Variants in BRAT1 observed in about 807,000 individuals in gnomAD.
BRAT1 encodes the protein BRCA1 associated ATM activator 1, also known as integrator complex assembly factor BRAT1.
BRAT1 carries 74 observed loss-of-function variants against 70.6 expected under a neutral mutation model. That is an observed-to-expected ratio of 1.05 (90% CI 0.87 to 1.27). BRAT1 has a LOEUF of 1.27. Among genes scored for constraint, BRAT1 ranks in the 50% most tolerant of loss-of-function variants. The probability of loss-of-function intolerance (pLI) is 0.00; values close to 1 mark genes in which losing one functional copy is unlikely to be tolerated. For missense variants in BRAT1, 1,203 were observed against 1,098.2 expected (o/e 1.10, Z -1.35); for synonymous variants, 615 against 517.1 (o/e 1.19, Z -2.57).
In BRAT1 at chr7:2,543,838, G is replaced by C; in HGVS notation, c.555C>G (p.Cys185Trp). The change falls in exon 5 of 14, where the codon TGC becomes TGG. Residue 185 changes from cysteine to tryptophan, a missense_variant. Cys to Trp is a radical substitution (Grantham distance 215, BLOSUM62 -2). Transcript: ENST00000340611. This position sits in a 1 kb window ranked among gnomAD's most constrained non-coding sequence, Gnocchi z 5.5. ...SMRGGAEGQPCLPGGDWPACA... is the reference protein window; with the variant it reads ...SMRGGAEGQPWLPGGDWPACA... Reference sequence around the variant, plus strand: ...ACGCGGGCCAGTCACCCCCCGGCAGGCAGGGCTGCCCCTCGGCTCCACCTC... The same window carrying C: ...ACGCGGGCCAGTCACCCCCCGGCAGCCAGGGCTGCCCCTCGGCTCCACCTC... 1 of 1,612,926 alleles carries C rather than the reference G, an allele frequency of 6.2e-7. No homozygotes were observed. The highest frequency in any genetic ancestry group is 8.5e-7 in the Non-Finnish European group (1 of 1,179,930).
intron 13 of BRAT1, 99 bp downstream of exon 13, chr7:2,539,080 C>T: frequency 6.7e-7 from 1 of 1,490,006 alleles, no homozygotes; most frequent in African/African-American, 1.4e-5. Flanking sequence ...GCAGCAGCTG[C>T]TCCCACGCTG....
intron 3 of BRAT1, among the ~76,000 whole-genome samples, chr7:2,545,988 G>A (rs968824373): frequency 3.9e-5 from 6 of 152,248 alleles, no homozygotes; most frequent in African/African-American, 1.4e-4. Context: ...GCACAACCTG[G>A]CGAGGGCCTG....
intron 12 of BRAT1, 53 bp from the exon 13 acceptor site, chr7:2,539,404 C>A: frequency 6.4e-7 from 1 of 1,557,198 alleles, no homozygotes; most frequent in Non-Finnish European, 8.7e-7. Context: ...AGCCTTGTCG[C>A]CTCGGCCTCT....
intron 3 of BRAT1, 145 bp from the exon 4 acceptor site, chr7:2,545,201 T>A: frequency 2.1e-6 from 2 of 934,968 alleles, no homozygotes; most frequent in Non-Finnish European, 3.0e-6. Flanking sequence ...CCATCTCTAC[T>A]AGAAATACAA....
At position 2,543,380 on chromosome 7, in the gene BRAT1, G is replaced by A; in HGVS notation, c.804-57C>T. ...CCCCCACCCTCAAAACCCCATTCGA[G>A]GCCTGGCTGAGACTGCCATGGCTCC... On this transcript the variant is annotated intron_variant, in intron 5 of 13. Coordinates refer to ENST00000340611, the MANE Select transcript of BRAT1 (RefSeq NM_152743.4). This position sits in a 1 kb window ranked among gnomAD's most constrained non-coding sequence, Gnocchi z 5.5. The A allele has an allele frequency of 1.3e-6, 2 of 1,520,856 alleles. No individual in the cohort carries two copies. Among genetic ancestry groups the A allele is most frequent in the Non-Finnish European group, 1.8e-6 (2 of 1,133,876 alleles). 94.2% of individuals were successfully genotyped at this position (1,520,856 alleles called of 1,614,324 possible).
Position 2,542,111 on chromosome 7 carries a change from G to C in BRAT1, c.1015+9C>G, listed in dbSNP as rs1478205274. 7 of 1,525,992 alleles carry C rather than the reference G, an allele frequency of 4.6e-6. No homozygotes were observed. Among genetic ancestry groups the C allele is most frequent in the Admixed American group, 4.3e-5 (2 of 46,262 alleles). 94.5% of individuals were successfully genotyped at this position (1,525,992 alleles called of 1,614,324 possible). A position where few individuals can be genotyped will look rare whatever the true frequency, so the allele number is the denominator to read the frequency against. ...GTTCTGCCCTCCCAGCCCTTTCTAA[G>C]CAGCACACCTGGGGGTCCGGGGGCC... is the stretch of plus-strand genomic sequence containing the variant. On this transcript the variant is annotated intron_variant, in intron 7 of 13. Coordinates refer to ENST00000340611, the MANE Select transcript of BRAT1 (RefSeq NM_152743.4).
At position 2,543,677 on chromosome 7, in the gene BRAT1, C is replaced by T. The variant is rs200536814; in HGVS notation, c.716G>A (p.Arg239Gln). ...QSPWTEALWV[R>Q]LSPRVACLLE... Reference sequence around the variant, plus strand: ...CAGACAGGCCACGCGGGGACTCAGCCGCACCCACAGGGCTTCCGTCCAGGG... The same window carrying T: ...CAGACAGGCCACGCGGGGACTCAGCTGCACCCACAGGGCTTCCGTCCAGGG... Residue 239 changes from arginine (R) to glutamine (Q), a missense_variant, in exon 5 of 14, where the codon CGG (arginine) becomes CAG (glutamine). Arg to Gln is a conservative substitution (Grantham distance 43, BLOSUM62 1). Transcript: ENST00000340611. The surrounding 1 kb of genome is among the most constrained non-coding windows in gnomAD (Gnocchi z 5.5). 4.7e-5 allele frequency: 73 copies of T among 1,564,072 alleles called. No homozygotes were observed. The highest frequency in any genetic ancestry group is 1.7e-4 in the Middle Eastern group (1 of 5,848).
intron 2 of BRAT1, among the ~76,000 whole-genome samples, chr7:2,551,184 T>G (rs1341640359): frequency 6.6e-6 from 1 of 150,824 alleles, no homozygotes; most frequent in Non-Finnish European, 1.5e-5. Flanking sequence ...GAGGTTGCAG[T>G]GAGCCAAGAT....
intron 2 of BRAT1, among the ~76,000 whole-genome samples, chr7:2,549,990 G>A (rs551938081): frequency 6.6e-6 from 1 of 151,654 alleles, no homozygotes; most frequent in Non-Finnish European, 1.5e-5. Context: ...GTGAAACCCC[G>A]TCTCCGCAAA....
In BRAT1 at chr7:2,545,036, C is replaced by T. The variant is rs769412372; in HGVS notation, c.303G>A (p.Gly101=). Residue 101 remains glycine (G), a synonymous_variant, in exon 4 of 14, where the codon GGG becomes GGA. Transcript: ENST00000340611. ...QYLQQGELLP[G]LFGEPGPLGR... ...CGAGGGGTCCTGGCTCCCCAAAGAG[C>T]CCTGGTAGTAACTCCCCCTGCTGGG... is the stretch of plus-strand genomic sequence containing the variant. 3 of 1,510,452 alleles carry T rather than the reference C, an allele frequency of 2.0e-6. No individual in the cohort carries two copies. Among genetic ancestry groups the T allele is most frequent in the African/African-American group, 2.8e-5 (2 of 71,302 alleles). 93.6% of individuals were successfully genotyped at this position (1,510,452 alleles called of 1,614,324 possible).
intron 6 of BRAT1, 60 bp from the exon 7 acceptor site, chr7:2,542,271 C>A (rs979106833): frequency 7.2e-7 from 1 of 1,393,766 alleles, no homozygotes; most frequent in South Asian, 1.2e-5. Context: ...TGGCTGTGCT[C>A]CTAATGTCCC....
chr7:2,544,107 C>T (rs1366380884), intron 4 of BRAT1, 145 bp from the exon 5 acceptor site: 3 of 621,456 alleles, frequency 4.8e-6, no homozygotes, highest in South Asian at 6.1e-5. Flanking sequence ...CAAAAAAGAA[C>T]AGGAACTGAA....
Position 2,543,172 on chromosome 7 carries a change from C to G in BRAT1, c.923+32G>C. ...CCTGCCTGCCCCAGCTCCCAGCACC[C>G]GCCTCGGAATGAAATGCACCCCAGA... On this transcript the variant is annotated intron_variant, in intron 6 of 13. Transcript: ENST00000340611. The surrounding 1 kb of genome is among the most constrained non-coding windows in gnomAD (Gnocchi z 5.5). The G allele has an allele frequency of 6.5e-7, 1 of 1,529,062 alleles. No individual in the cohort carries two copies. Among genetic ancestry groups the G allele is most frequent in the Non-Finnish European group, 8.8e-7 (1 of 1,137,060 alleles). 94.7% of individuals were successfully genotyped at this position (1,529,062 alleles called of 1,614,324 possible).
chr7:2,546,705 A>C (rs2128402230), intron 3 of BRAT1, among the ~76,000 whole-genome samples: 1 of 152,334 alleles, frequency 6.6e-6, no homozygotes. Flanking sequence ...ATTGCACTCC[A>C]GCCTGGGTGA....
intron 2 of BRAT1, among the ~76,000 whole-genome samples, chr7:2,552,880 G>T (rs1780142416): frequency 6.6e-6 from 1 of 150,996 alleles, no homozygotes; most frequent in South Asian, 2.1e-4. Flanking sequence ...TGGGACTACA[G>T]GCGCCCACCA....
At position 2,538,299 on chromosome 7, in the gene BRAT1, C is replaced by G. The variant is rs1319707460; in HGVS notation, c.2236G>C (p.Ala746Pro). 12 of 1,612,596 alleles carry G rather than the reference C, an allele frequency of 7.4e-6. No individual in the cohort carries two copies. Among genetic ancestry groups the G allele is most frequent in the African/African-American group, 1.3e-5 (1 of 74,928 alleles). Reference sequence around the variant, plus strand: ...CTCGGCAGGGTGGCCTCTGCGGAGGCAGTGTTGGGGCTGCCCCTGGCCTCC... The same window carrying G: ...CTCGGCAGGGTGGCCTCTGCGGAGGGAGTGTTGGGGCTGCCCCTGGCCTCC... ...LREARGSPNT[A>P]SAEATLPRWR... Residue 746 changes from alanine (A) to proline (P), a missense_variant, in exon 14 of 14, where the codon GCC becomes CCC. By Grantham distance (27) the Ala-to-Pro change is conservative. Transcript: ENST00000340611.
At position 2,541,501 on chromosome 7, in the gene BRAT1, C is replaced by T. The variant is rs944024087; in HGVS notation, c.1135-17G>A. Reference sequence around the variant, plus strand: ...GCGCTGGGGCTGCGAGGAAGAGGGCCGTCAGCCAAGGTTGCGGTCCCACTG... The same window carrying T: ...GCGCTGGGGCTGCGAGGAAGAGGGCTGTCAGCCAAGGTTGCGGTCCCACTG... On this transcript the variant is annotated splice_polypyrimidine_tract_variant and intron_variant, in intron 8 of 13. Transcript: ENST00000340611. 14 of 1,521,052 alleles carry T rather than the reference C, an allele frequency of 9.2e-6. 1 individual carries two copies. Among genetic ancestry groups the T allele is most frequent in the South Asian group, 3.7e-5 (3 of 81,690 alleles). The allele number at this position is 1,521,052 out of a possible 1,614,324, so 94.2% of individuals were successfully genotyped here. A position where few individuals can be genotyped will look rare whatever the true frequency, so the allele number is the denominator to read the frequency against.
chr7:2,540,900 C>A, intron 10 of BRAT1, 79 bp downstream of exon 10: 1 of 1,352,654 alleles, frequency 7.4e-7, no homozygotes, highest in Non-Finnish European at 9.7e-7. Flanking sequence ...GAGGCCTGCA[C>A]GGGACGGGGT....
At chr7:2,552,637 T>A (rs949904856) in intron 2 of BRAT1, among the ~76,000 whole-genome samples, 1 of 151,612 alleles carries the variant, frequency 6.6e-6, no homozygotes, top group East Asian at 1.9e-4. Flanking sequence ...AAGTAAAGAA[T>A]AGCAGAAATT....
Sources: gnomAD v4.1 joint callset for allele counts (sites outside exome capture counted in the v4.1 genomes callset) on GRCh38, gnomAD v4.1.1 for gene constraint, Gnocchi (gnomAD v3.1) non-coding constraint, MANE v1.5 for transcripts, NCBI Gene and HGNC (gene_info 2026-07-23, HGNC 2026-07-21) for gene names.